Variants in DIAPH2 observed in about 807,000 individuals in gnomAD.
DIAPH2 encodes protein diaphanous homolog 2.
In DIAPH2, 35 loss-of-function variants were observed where a neutral mutation model predicts 92.7. That is an observed-to-expected ratio of 0.38 (90% CI 0.29 to 0.50). DIAPH2 has a LOEUF of 0.50. Ranked by LOEUF, DIAPH2 falls within the 20% of genes least tolerant of loss-of-function variation. DIAPH2 has a pLI of 0.94. For synonymous variants in DIAPH2, 301 were observed against 280.4 expected, an observed-to-expected ratio of 1.07 and a Z score of -0.73; for missense variants, 701 against 819.5, an observed-to-expected ratio of 0.86 and a Z score of 1.77.
chrX:97,489,552 T>G (rs1448651833), intron 26 of DIAPH2, among the ~76,000 whole-genome samples: 1 of 111,505 alleles, frequency 9.0e-6, no homozygotes, highest in African/African-American at 3.3e-5. Flanking sequence ...TTATCATTAG[T>G]TTGATATTAG....
chrX:97,349,112 G>A (rs1368168036), intron 24 of DIAPH2, among the ~76,000 whole-genome samples: 1 of 99,561 alleles, frequency 1.0e-5, no homozygotes, highest in East Asian at 3.1e-4. Flanking sequence ...TTTTTGATAT[G>A]GAATCTTGCT....
intron 26 of DIAPH2, among the ~76,000 whole-genome samples, chrX:97,465,653 G>A (rs899657863): frequency 9.0e-6 from 1 of 111,450 alleles, no homozygotes; most frequent in East Asian, 2.8e-4. Flanking sequence ...AGGGATGATG[G>A]TATATTGCCT....
At chrX:97,434,238 G>A in intron 26 of DIAPH2, among the ~76,000 whole-genome samples, 1 of 110,990 alleles carries the variant, frequency 9.0e-6, no homozygotes, top group Non-Finnish European at 1.9e-5. Flanking sequence ...TTAAGCAGTG[G>A]AGGAACACAA....
chrX:97,244,111 T>A (rs192008849), intron 22 of DIAPH2, among the ~76,000 whole-genome samples: 55 of 111,853 alleles, frequency 4.9e-4, no homozygotes, highest in Non-Finnish European at 5.6e-4. Flanking sequence ...AAAGTACATA[T>A]GAAATGGTAG....
At chrX:96,962,336 T>C (rs192372220) in intron 16 of DIAPH2, among the ~76,000 whole-genome samples, 4,379 of 44,685 alleles carry the variant, frequency 0.098, 273 homozygotes, top group Non-Finnish European at 0.16. Flanking sequence ...CATATATATA[T>C]ACATATATAT....
At chrX:97,351,586 C>T (rs2069213546) in intron 24 of DIAPH2, among the ~76,000 whole-genome samples, 1 of 111,254 alleles carries the variant, frequency 9.0e-6, no homozygotes, top group African/African-American at 3.3e-5. Flanking sequence ...GAGGCCGAGG[C>T]GGGTGGATCA....
intron 23 of DIAPH2, among the ~76,000 whole-genome samples, chrX:97,251,548 C>T (rs563937215): frequency 1.8e-5 from 2 of 110,070 alleles, no homozygotes; most frequent in African/African-American, 6.6e-5. Context: ...CTCCGCCTCC[C>T]GAGTAGCTGG....
intron 7 of DIAPH2, among the ~76,000 whole-genome samples, chrX:96,914,869 T>C (rs1159263742): frequency 9.0e-6 from 1 of 111,682 alleles, no homozygotes; most frequent in Non-Finnish European, 1.9e-5. Context: ...ACAATAGGCA[T>C]AAAATATGCC....
intron 25 of DIAPH2, among the ~76,000 whole-genome samples, chrX:97,387,189 T>C (rs2069611649): frequency 9.0e-6 from 1 of 111,583 alleles, no homozygotes; most frequent in Non-Finnish European, 1.9e-5. Context: ...AGAAAGAATG[T>C]ATTAGAAGGG....
chrX:96,728,099 C>G (rs888087828), intron 1 of DIAPH2, among the ~76,000 whole-genome samples: 3 of 109,611 alleles, frequency 2.7e-5, no homozygotes, highest in African/African-American at 9.9e-5. Context: ...AATATCATTT[C>G]AGATAACAGT....
chrX:97,277,313 G>C (rs1224731687), intron 23 of DIAPH2, among the ~76,000 whole-genome samples: 1 of 111,146 alleles, frequency 9.0e-6, no homozygotes, highest in African/African-American at 3.3e-5. Flanking sequence ...ACTCCAGCCT[G>C]GGCGACAGAG....
At chrX:96,722,792 AT>A (rs1392361223) in intron 1 of DIAPH2, among the ~76,000 whole-genome samples, 9 of 112,099 alleles carry the variant, frequency 8.0e-5, no homozygotes, top group Non-Finnish European at 1.7e-4. Context: ...GTAATAAAAA[AT>A]TCCACTTTTG....
chrX:96,866,906 C>T (rs2065108207), intron 4 of DIAPH2, among the ~76,000 whole-genome samples: 1 of 111,629 alleles, frequency 9.0e-6, no homozygotes, highest in Non-Finnish European at 1.9e-5. Context: ...TAATGTGGAC[C>T]ATGAAAAAGT....
chrX:97,551,606 AAAAATT>A (rs1370558572), intron 26 of DIAPH2, among the ~76,000 whole-genome samples: 1 of 110,179 alleles, frequency 9.1e-6, no homozygotes, highest in Non-Finnish European at 1.9e-5. Context: ...AAAAAAAAAA[AAAAATT>A]AAAATTAAAT....
At chrX:97,298,791 G>A (rs1415841589) in intron 23 of DIAPH2, among the ~76,000 whole-genome samples, 2 of 108,765 alleles carry the variant, frequency 1.8e-5, no homozygotes, top group African/African-American at 3.3e-5. Flanking sequence ...ATTTTTTTTT[G>A]TATTTTTTAG....
intron 23 of DIAPH2, among the ~76,000 whole-genome samples, chrX:97,250,133 G>T (rs762844364): frequency 6.3e-5 from 7 of 110,866 alleles, no homozygotes; most frequent in African/African-American, 2.3e-4. Flanking sequence ...ATAGGACCAT[G>T]ATTCCATTTC....
chrX:96,783,646 C>G (rs968643015), intron 4 of DIAPH2, among the ~76,000 whole-genome samples: 1 of 112,270 alleles, frequency 8.9e-6, no homozygotes, highest in Non-Finnish European at 1.9e-5. Flanking sequence ...TTTCAACATG[C>G]AGATGAGTGA....
At chrX:97,347,757 G>C (rs1314894544) in intron 23 of DIAPH2, among the ~76,000 whole-genome samples, 1 of 111,070 alleles carries the variant, frequency 9.0e-6, no homozygotes, top group African/African-American at 3.3e-5. Context: ...GGGACTTTAA[G>C]GAAGTAATTA....
chrX:97,290,104 T>C (rs2068578210), intron 23 of DIAPH2, among the ~76,000 whole-genome samples: 1 of 106,827 alleles, frequency 9.4e-6, no homozygotes, highest in Non-Finnish European at 1.9e-5. Context: ...TATAATTAGA[T>C]ATCATCACAT....
Sources: allele counts gnomAD v4.1 joint callset (sites outside exome capture counted in the v4.1 genomes callset), GRCh38; gene constraint gnomAD v4.1.1; transcripts MANE v1.5; gene names NCBI Gene and HGNC (gene_info 2026-07-23, HGNC 2026-07-21).